Variants in CDH13 observed in about 807,000 individuals in gnomAD.
The protein encoded by CDH13 is cadherin 13.
CDH13 carries 24 observed loss-of-function variants against 63.8 expected under a neutral mutation model. The ratio of observed to expected loss-of-function variants is 0.38; its 90% CI spans 0.27 to 0.53. CDH13 has a LOEUF of 0.53. Ranked by LOEUF, CDH13 falls within the 20% of genes least tolerant of loss-of-function variation. The probability of loss-of-function intolerance (pLI) is 0.85; values close to 1 mark genes in which losing one functional copy is unlikely to be tolerated. For missense variants in CDH13, 1,049 were observed against 903.1 expected (o/e 1.16, Z -2.07); for synonymous variants, 503 against 355.3 (o/e 1.42, Z -4.67).
chr16:82,692,933 T>G (rs545679829), intron 1 of CDH13, among the ~76,000 whole-genome samples: 3 of 152,292 alleles, frequency 2.0e-5, no homozygotes, highest in African/African-American at 7.2e-5. Context: ...ATAGAGTACC[T>G]CAACATTGAG....
chr16:82,652,007 A>G (rs190904432), intron 1 of CDH13, among the ~76,000 whole-genome samples: 8 of 152,334 alleles, frequency 5.3e-5, no homozygotes. Flanking sequence ...CTTTAAGCCT[A>G]CTAGTTTCAC....
At chr16:83,777,074 C>A (rs1025141619) in intron 11 of CDH13, among the ~76,000 whole-genome samples, 2 of 152,200 alleles carry the variant, frequency 1.3e-5, no homozygotes, top group South Asian at 2.1e-4. Context: ...GCTTGATCAC[C>A]AAGAAAAGAC....
In CDH13 at chr16:82,741,048, A is replaced by G. The variant is rs370408102; in HGVS notation, c.45+113911A>G. Among the ~76,000 whole-genome samples the G allele has an allele frequency of 3.0e-4, 46 of 152,242 alleles. No individual in the cohort carries two copies. The East Asian group carries it at 8.9e-3, about 29-fold the overall frequency. On this transcript the variant is annotated intron_variant, in intron 1 of 13. Transcript: ENST00000567109. ...TTTATAGTTAACCTTGACCTAGTAT[A>G]CATACTCTCTCACTCTCACTCTCCC...
chr16:83,051,788 C>G (rs5818419), intron 3 of CDH13, among the ~76,000 whole-genome samples: 5,679 of 149,930 alleles, frequency 0.038, 191 homozygotes, highest in African/African-American at 0.09. Context: ...TATTTGTTGT[C>G]TTATGAAGGA....
chr16:82,969,237 G>T (rs1908330916), intron 2 of CDH13, among the ~76,000 whole-genome samples: 1 of 152,168 alleles, frequency 6.6e-6, no homozygotes, highest in Non-Finnish European at 1.5e-5. Flanking sequence ...AGGTGATATA[G>T]TTTCTCTTAT....
chr16:82,809,696 T>G (rs777179807), intron 1 of CDH13, among the ~76,000 whole-genome samples: 1 of 152,160 alleles, frequency 6.6e-6, no homozygotes, highest in Non-Finnish European at 1.5e-5. Context: ...AAATATGTTA[T>G]GGTTACCATC....
At chr16:83,307,289 T>C (rs2089903067) in intron 5 of CDH13, among the ~76,000 whole-genome samples, 1 of 152,214 alleles carries the variant, frequency 6.6e-6, no homozygotes, top group African/African-American at 2.4e-5. Flanking sequence ...CAGCATGATG[T>C]ATCTTATCCC....
At chr16:83,443,629 G>A (rs1344590367) in intron 6 of CDH13, among the ~76,000 whole-genome samples, 2 of 149,586 alleles carry the variant, frequency 1.3e-5, no homozygotes, top group Non-Finnish European at 2.9e-5. Flanking sequence ...CCAGCACTTA[G>A]GCAGGCTGAG....
intron 1 of CDH13, among the ~76,000 whole-genome samples, chr16:82,822,921 C>G (rs1314211496): frequency 6.6e-6 from 1 of 152,108 alleles, no homozygotes; most frequent in Non-Finnish European, 1.5e-5. Context: ...GGCTTGCAGT[C>G]AGTGGCCGAG....
intron 4 of CDH13, among the ~76,000 whole-genome samples, chr16:83,145,824 G>T (rs1283175554): frequency 4.8e-4 from 73 of 152,226 alleles, no homozygotes; most frequent in Non-Finnish European, 8.8e-5. Context: ...ACTGCAGAAG[G>T]TCCCACCTTT....
At chr16:83,629,457 T>C (rs1438685834) in intron 8 of CDH13, among the ~76,000 whole-genome samples, 1 of 152,234 alleles carries the variant, frequency 6.6e-6, no homozygotes, top group Admixed American at 6.5e-5. Flanking sequence ...GCTACTATTA[T>C]AGGATCATAA....
chr16:83,397,196 C>A (rs1441373671), intron 6 of CDH13: 2 of 152,158 alleles, frequency 1.3e-5, no homozygotes, highest in Non-Finnish European at 2.9e-5. Context: ...TCCCCAAGGC[C>A]TTTGAGGGTC....
chr16:83,685,250 C>T (rs1419271067), intron 10 of CDH13, among the ~76,000 whole-genome samples: 1 of 152,102 alleles, frequency 6.6e-6, no homozygotes, highest in African/African-American at 2.4e-5. Flanking sequence ...GTTTTTTAAA[C>T]CAAGGTTCTT....
At chr16:82,958,806 C>G (rs777918712) in intron 2 of CDH13, among the ~76,000 whole-genome samples, 1 of 152,254 alleles carries the variant, frequency 6.6e-6, no homozygotes. Flanking sequence ...GTCAACAATG[C>G]GATGCACGCC....
At chr16:83,734,991 G>A (rs1017104658) in intron 10 of CDH13, among the ~76,000 whole-genome samples, 1 of 86,248 alleles carries the variant, frequency 1.2e-5, no homozygotes, top group African/African-American at 4.7e-5. Context: ...AACAATTTCT[G>A]TGGTTATTCA....
At chr16:83,166,461 A>T (rs1176474250) in intron 4 of CDH13, among the ~76,000 whole-genome samples, 2 of 152,052 alleles carry the variant, frequency 1.3e-5, no homozygotes, top group Non-Finnish European at 2.9e-5. Flanking sequence ...TAACCTCTTG[A>T]TTCCTCCCTC....
chr16:83,408,435 G>C (rs2092079215), intron 6 of CDH13, among the ~76,000 whole-genome samples: 1 of 152,130 alleles, frequency 6.6e-6, no homozygotes, highest in Non-Finnish European at 1.5e-5. Flanking sequence ...GTATGACATT[G>C]CCTCTTGCGC....
At chr16:82,957,843 C>A (rs1906356644) in intron 2 of CDH13, among the ~76,000 whole-genome samples, 1 of 152,168 alleles carries the variant, frequency 6.6e-6, no homozygotes, top group African/African-American at 2.4e-5. Flanking sequence ...ATCTCTTAAA[C>A]TTTTTCTGCT....
chr16:82,958,382 A>G (rs1018492813), intron 2 of CDH13, among the ~76,000 whole-genome samples: 15 of 152,340 alleles, frequency 9.8e-5, no homozygotes, highest in African/African-American at 3.1e-4. Context: ...GGTAAAAAGG[A>G]GAGGATGCGG....
Sources: gnomAD v4.1 joint callset for allele counts (sites outside exome capture counted in the v4.1 genomes callset) on GRCh38, gnomAD v4.1.1 for gene constraint, MANE v1.5 for transcripts, NCBI Gene and HGNC (gene_info 2026-07-23, HGNC 2026-07-21) for gene names.